MARCHF1: variants seen among roughly 807,000 people sequenced by gnomAD.
The protein encoded by MARCHF1 is E3 ubiquitin-protein ligase MARCHF1.
In MARCHF1, 40 loss-of-function variants were observed where a neutral mutation model predicts 54.2. That is an observed-to-expected ratio of 0.74 (90% CI 0.57 to 0.96). The LOEUF is 0.96. MARCHF1 is among the 40% of genes least tolerant of loss of function. MARCHF1 has a pLI of 0.00. For missense variants in MARCHF1, 586 were observed against 656.5 expected (o/e 0.89, Z 1.17); for synonymous variants, 236 against 236.3 (o/e 1.00, Z 0.01).
At chr4:163,661,189 C>A (rs2111099816) in intron 5 of MARCHF1, among the ~76,000 whole-genome samples, 1 of 152,088 alleles carries the variant, frequency 6.6e-6, no homozygotes, top group Admixed American at 6.6e-5. Flanking sequence ...TATTAAGTCA[C>A]CTGCTATGCT....
At chr4:164,131,523 G>C (rs993530867) in intron 1 of MARCHF1, among the ~76,000 whole-genome samples, 1 of 152,034 alleles carries the variant, frequency 6.6e-6, no homozygotes, top group African/African-American at 2.4e-5. Context: ...TAGTTTTTAA[G>C]AGCTATTGAG....
intron 2 of MARCHF1, among the ~76,000 whole-genome samples, chr4:164,065,174 T>C (rs1754700848): frequency 6.6e-6 from 1 of 152,204 alleles, no homozygotes; most frequent in Admixed American, 6.5e-5. Flanking sequence ...TAGAATGAGT[T>C]AGGGAGAAGT....
intron 2 of MARCHF1, among the ~76,000 whole-genome samples, chr4:163,999,625 A>T (rs1753146910): frequency 6.6e-6 from 1 of 151,554 alleles, no homozygotes; most frequent in Admixed American, 6.6e-5. Flanking sequence ...ATTTTTCATA[A>T]TGGGAGTGTT....
At chr4:164,352,405 C>T (rs1210238011) in intron 1 of MARCHF1, among the ~76,000 whole-genome samples, 16 of 143,312 alleles carry the variant, frequency 1.1e-4, no homozygotes, top group African/African-American at 3.5e-4. Flanking sequence ...AGACTAACAG[C>T]GGATCTCTCG....
chr4:163,663,259 T>C (rs1300752083), intron 5 of MARCHF1, among the ~76,000 whole-genome samples: 1 of 151,038 alleles, frequency 6.6e-6, no homozygotes, highest in Non-Finnish European at 1.5e-5. Flanking sequence ...TGTTTAAGTG[T>C]ACATCCCACT....
At chr4:164,273,341 A>G (rs1733789645) in intron 1 of MARCHF1, among the ~76,000 whole-genome samples, 1 of 152,142 alleles carries the variant, frequency 6.6e-6, no homozygotes, top group Non-Finnish European at 1.5e-5. Context: ...TCACAAGAAG[A>G]GCACGGGGGA....
chr4:164,093,536 C>T (rs1470223354), intron 2 of MARCHF1, among the ~76,000 whole-genome samples: 1 of 152,146 alleles, frequency 6.6e-6, no homozygotes, highest in Non-Finnish European at 1.5e-5. Flanking sequence ...TACAAAGAGT[C>T]TATGATACCC....
chr4:163,570,865 C>T (rs1739819213), intron 8 of MARCHF1, among the ~76,000 whole-genome samples: 2 of 152,092 alleles, frequency 1.3e-5, no homozygotes, highest in Admixed American at 1.3e-4. Context: ...CCACTCCTTA[C>T]CATATCCCTC....
chr4:164,140,105 T>A (rs1756491729), intron 1 of MARCHF1, among the ~76,000 whole-genome samples: 1 of 151,896 alleles, frequency 6.6e-6, no homozygotes, highest in Non-Finnish European at 1.5e-5. Flanking sequence ...CACCAATATT[T>A]CTCTCTATAT....
chr4:163,904,079 CATACTT>C (rs1300978051), intron 3 of MARCHF1, among the ~76,000 whole-genome samples: 1 of 152,108 alleles, frequency 6.6e-6, no homozygotes, highest in Non-Finnish European at 1.5e-5. Flanking sequence ...TCACATTTGT[CATACTT>C]ATAAGAATTA....
In MARCHF1 at chr4:164,362,480, C is replaced by T. The variant is rs116595837; in HGVS notation, c.-323+21390G>A. ...TACAGGGAGCTAGAGGAAGCTCTGC[C>T]TCCACCAGGGGCCTTGTACCCACAT... On this transcript the variant is annotated intron_variant, in intron 1 of 9. Coordinates refer to ENST00000514618, the MANE Select transcript of MARCHF1 (RefSeq NM_001394959.1). Among the ~76,000 whole-genome samples, 724 of 152,186 alleles carry T rather than the reference C, an allele frequency of 4.8e-3. 5 individuals carry two copies. Among genetic ancestry groups the T allele is most frequent in the African/African-American group, 0.016 (660 of 41,536 alleles).
intron 1 of MARCHF1, among the ~76,000 whole-genome samples, chr4:164,283,430 G>A (rs186905745): frequency 2.1e-4 from 31 of 150,920 alleles, no homozygotes; most frequent in African/African-American, 7.0e-4. Flanking sequence ...AAATATATGT[G>A]TTCCTAGCCT....
chr4:164,078,685 TA>T (rs1755029414), intron 2 of MARCHF1, among the ~76,000 whole-genome samples: 1 of 152,204 alleles, frequency 6.6e-6, no homozygotes, highest in African/African-American at 2.4e-5. Flanking sequence ...GAACTGAAGT[TA>T]AAATTTCAAG....
chr4:164,122,458 G>A (rs1756088254), intron 1 of MARCHF1, among the ~76,000 whole-genome samples: 1 of 152,032 alleles, frequency 6.6e-6, no homozygotes, highest in Admixed American at 6.6e-5. Context: ...ATATAAGATA[G>A]TGCTGATCAA....
At chr4:164,340,435 A>ATATATATATATATATATATATATAT (rs1729888427) in intron 1 of MARCHF1, among the ~76,000 whole-genome samples, 1 of 136,338 alleles carries the variant, frequency 7.3e-6, no homozygotes. Flanking sequence ...ATATATATAT[A>ATATATATATATATATATATATATAT]GTTTGTTTGT....
At chr4:164,231,708 C>G (rs1370407937) in intron 1 of MARCHF1, among the ~76,000 whole-genome samples, 1 of 152,022 alleles carries the variant, frequency 6.6e-6, no homozygotes, top group Non-Finnish European at 1.5e-5. Context: ...AGTCTTTCAG[C>G]CCAAATTATA....
intron 5 of MARCHF1, among the ~76,000 whole-genome samples, chr4:163,630,924 A>T (rs1742053358): frequency 6.6e-6 from 1 of 152,194 alleles, no homozygotes; most frequent in African/African-American, 2.4e-5. Context: ...AAGAATAGAA[A>T]AGAGAGAAGG....
intron 5 of MARCHF1, among the ~76,000 whole-genome samples, chr4:163,672,255 A>C (rs983176887): frequency 6.6e-6 from 1 of 152,012 alleles, no homozygotes; most frequent in Non-Finnish European, 1.5e-5. Context: ...TAAACTATGT[A>C]TTTTTTATTT....
At position 164,274,659 on chromosome 4, in the gene MARCHF1, CTTTTTTTT is replaced by C. The variant is rs70952617; in HGVS notation, c.-323+109203_-323+109210del. On this transcript the variant is annotated intron_variant, in intron 1 of 9. Transcript: ENST00000514618. ...CGCTTGATGTGTGCTTCAGGGTACA[CTTTTTTTT>C]TTTTTTTTTTTTTTTTTTTTTTTTT... 4.3e-4 allele frequency among the ~76,000 whole-genome samples: 19 copies of C among 44,658 alleles called. 3 individuals carry two copies. The highest frequency in any genetic ancestry group is 9.7e-4 in the Admixed American group (4 of 4,122). The allele number at this position is 44,658 out of a possible 152,430, so 29.3% of individuals were successfully genotyped here.
Sources: allele counts gnomAD v4.1 joint callset (sites outside exome capture counted in the v4.1 genomes callset), GRCh38; gene constraint gnomAD v4.1.1; transcripts MANE v1.5; gene names NCBI Gene and HGNC (gene_info 2026-07-23, HGNC 2026-07-21).